The following ISM2 variants were observed in gnomAD, a reference collection of about 807,000 sequenced individuals.
ISM2 encodes isthmin-2.
In ISM2, 50 loss-of-function variants were observed where a neutral mutation model predicts 58.0. That is an observed-to-expected ratio of 0.86 (90% CI 0.69 to 1.09). ISM2 has a LOEUF of 1.09. Ranked by LOEUF, ISM2 falls within the 50% of genes least tolerant of loss-of-function variation. The probability of loss-of-function intolerance (pLI) is 0.00; values close to 1 mark genes in which losing one functional copy is unlikely to be tolerated. For synonymous variants in ISM2, 303 were observed against 312.4 expected, an observed-to-expected ratio of 0.97 and a Z score of 0.32; for missense variants, 723 against 745.0, an observed-to-expected ratio of 0.97 and a Z score of 0.34.
At chr14:77,498,553 CTG>C (rs1030646608) in intron 1 of ISM2, 98 bp downstream of exon 1, 1 of 1,393,310 alleles carries the variant, frequency 7.2e-7, no homozygotes, top group South Asian at 1.4e-5. Context: ...GGGTCGCTGC[CTG>C]TGTGTGTCCC....
At chr14:77,492,183 C>A (rs1304589036) in intron 1 of ISM2, among the ~76,000 whole-genome samples, 1 of 152,090 alleles carries the variant, frequency 6.6e-6, no homozygotes, top group Non-Finnish European at 1.5e-5. Flanking sequence ...ATTCTAACCC[C>A]CTCAACCCCT....
rs983609635 is a variant in ISM2, at chr14:77,484,436, G to C, written c.514C>G (p.Pro172Ala). Reference sequence around the variant, plus strand: ...GTCCTGGGAGGCGTGGCATTCCCTGGGGTCAGGGCTGCTGGCTCAGTGACA... The same window carrying C: ...GTCCTGGGAGGCGTGGCATTCCCTGCGGTCAGGGCTGCTGGCTCAGTGACA... Reference protein sequence around the residue: ...WTVTEPAALTPGNATPPRTQE... With the variant: ...WTVTEPAALTAGNATPPRTQE... Residue 172 changes from proline to alanine, a missense_variant, in exon 3 of 7, where the codon CCA becomes GCA. Physicochemically the swap from Pro to Ala is conservative, Grantham distance 27 (BLOSUM62 -1). Coordinates refer to ENST00000342219, the MANE Select transcript of ISM2 (RefSeq NM_199296.3). 1 of 1,612,728 alleles carries C rather than the reference G, an allele frequency of 6.2e-7. No individual in the cohort carries two copies. Among genetic ancestry groups the C allele is most frequent in the South Asian group, 1.1e-5 (1 of 90,994 alleles).
At chr14:77,489,203 TCTC>T (rs2079186106) in intron 1 of ISM2, among the ~76,000 whole-genome samples, 1 of 152,092 alleles carries the variant, frequency 6.6e-6, no homozygotes, top group Admixed American at 6.6e-5. Flanking sequence ...TGTTCTCCCT[TCTC>T]CTTTGTGCCT....
intron 1 of ISM2, among the ~76,000 whole-genome samples, chr14:77,493,750 CTGCGGCCAGCCGAATGAT>C (rs1379884374): frequency 6.6e-6 from 1 of 151,992 alleles, no homozygotes; most frequent in East Asian, 1.9e-4. Context: ...GCGTGAGCCA[CTGCGGCCAGCCGAATGAT>C]TCTTTTCTTT....
intron 1 of ISM2, among the ~76,000 whole-genome samples, chr14:77,488,386 C>T (rs769208778): frequency 2.0e-5 from 3 of 151,890 alleles, no homozygotes; most frequent in East Asian, 1.9e-4. Context: ...TCAACACCTG[C>T]GCACTGGTGC....
In ISM2 at chr14:77,474,868, C is replaced by T. The variant is rs1037290528; in HGVS notation, c.*727G>A. 1.3e-5 allele frequency: 2 copies of T among 152,314 alleles called. No homozygotes were observed. Among genetic ancestry groups the T allele is most frequent in the Admixed American group, 1.3e-4 (2 of 15,286 alleles). The allele number at this position is 152,314 out of a possible 1,614,324, so 9.4% of individuals were successfully genotyped here. A position where few individuals can be genotyped will look rare whatever the true frequency, so the allele number is the denominator to read the frequency against. On this transcript the variant is annotated 3_prime_UTR_variant, in exon 7 of 7. Coordinates refer to ENST00000342219, the MANE Select transcript of ISM2 (RefSeq NM_199296.3). ...CAACTCCCAGCCCTGCACATCCCTA[C>T]AATCAGCAGAACAGAGGGGGCTGAG...
chr14:77,491,642 C>A (rs996740232), intron 1 of ISM2, among the ~76,000 whole-genome samples: 2 of 151,512 alleles, frequency 1.3e-5, no homozygotes, highest in Non-Finnish European at 2.9e-5. Context: ...TCCACCCGCC[C>A]TGGCTTCCCA....
At chr14:77,487,445 C>T (rs2079175032) in intron 1 of ISM2, among the ~76,000 whole-genome samples, 1 of 152,070 alleles carries the variant, frequency 6.6e-6, no homozygotes, top group Non-Finnish European at 1.5e-5. Flanking sequence ...TAGCCCAGGC[C>T]CTGCTACCCA....
rs138409143 is a variant in ISM2, at chr14:77,484,540, G to T, written c.410C>A (p.Pro137His). ...TCGTGCCTCCTCCTCTTCCCTCAGA[G>T]GCCTAGGATCTGGGGAGGCTGAAGC... ...TQASASPDPR[P>H]LREEEEARLL... is the part of the protein sequence containing the mutation. Residue 137 changes from proline to histidine, a missense_variant, in exon 3 of 7, where the codon CCT becomes CAT. By Grantham distance (77) the Pro-to-His change is moderately conservative. Transcript: ENST00000342219. The T allele has an allele frequency of 1.2e-5, 19 of 1,596,092 alleles. No homozygotes were observed. Among genetic ancestry groups the T allele is most frequent in the Non-Finnish European group, 1.5e-5 (18 of 1,171,202 alleles).
chr14:77,483,229 G>GA (rs950937433), intron 3 of ISM2, among the ~76,000 whole-genome samples: 1 of 151,972 alleles, frequency 6.6e-6, no homozygotes, highest in Non-Finnish European at 1.5e-5. Context: ...ACAAAATTTG[G>GA]AAAAAAACAG....
At chr14:77,479,009 T>G (rs1398247607) in intron 4 of ISM2, among the ~76,000 whole-genome samples, 2 of 152,222 alleles carry the variant, frequency 1.3e-5, no homozygotes, top group East Asian at 3.8e-4. Flanking sequence ...GGCTGGGAGC[T>G]ATCTGACCAC....
chr14:77,481,488 A>G (rs941387), intron 4 of ISM2, among the ~76,000 whole-genome samples: 2,369 of 152,296 alleles, frequency 0.016, 58 homozygotes, highest in African/African-American at 0.054. Flanking sequence ...CTGGCACTGT[A>G]TATGTCTTAA....
In ISM2 at chr14:77,482,369, C is replaced by T; in HGVS notation, c.926G>A (p.Gly309Asp). 6.2e-7 allele frequency: 1 copy of T among 1,614,112 alleles called. No individual in the cohort carries two copies. Among genetic ancestry groups the T allele is most frequent in the South Asian group, 1.1e-5 (1 of 91,076 alleles). ...FNGTTDNWDQ[G>D]WLAPGDWVFK... ...GACCCAATCCCCGGGGGCCAGCCAGCCCTGGTCCCAGTTGTCTGTAGTTCC... is the reference window on the plus strand; with the variant it reads ...GACCCAATCCCCGGGGGCCAGCCAGTCCTGGTCCCAGTTGTCTGTAGTTCC... Residue 309 changes from glycine (G) to aspartate (D), a missense_variant, in exon 4 of 7, where the codon GGC becomes GAC. Physicochemically the swap from Gly to Asp is moderately conservative, Grantham distance 94. Transcript: ENST00000342219.
intron 1 of ISM2, among the ~76,000 whole-genome samples, chr14:77,494,901 T>C (rs2079229266): frequency 6.6e-6 from 1 of 151,912 alleles, no homozygotes; most frequent in African/African-American, 2.4e-5. Context: ...TATTTATTTT[T>C]GAGACAGGGT....
intron 4 of ISM2, among the ~76,000 whole-genome samples, chr14:77,481,185 CA>C (rs2079129843): frequency 6.6e-6 from 1 of 151,894 alleles, no homozygotes; most frequent in Non-Finnish European, 1.5e-5. Flanking sequence ...ACTAAAACTA[CA>C]AAAATTAGCC....
chr14:77,498,634 C>G lies in ISM2; in HGVS notation c.141+19G>C, dbSNP rs1319763643. On this transcript the variant is annotated intron_variant, in intron 1 of 6. Transcript: ENST00000342219. ...GGGACCGACAGCGCGCTCCGCAGCC[C>G]GGTGCCGCCGCCACTCACCTCTGCG... 1.6e-5 allele frequency: 23 copies of G among 1,438,726 alleles called. No homozygotes were observed. The highest frequency in any genetic ancestry group is 8.1e-5 in the Admixed American group (3 of 37,154). The allele number at this position is 1,438,726 out of a possible 1,614,324, so 89.1% of individuals were successfully genotyped here.
intron 1 of ISM2, among the ~76,000 whole-genome samples, chr14:77,495,966 A>G (rs1327645314): frequency 6.6e-6 from 1 of 151,952 alleles, no homozygotes; most frequent in Non-Finnish European, 1.5e-5. Flanking sequence ...TAAGCCCAGT[A>G]CTTTGGGAGG....
At chr14:77,498,363 G>C (rs1470012358) in intron 1 of ISM2, 6 of 1,392,764 alleles carry the variant, frequency 4.3e-6, no homozygotes, top group Middle Eastern at 1.8e-4. Context: ...GAGGAAGCCC[G>C]GCCACCGTGG....
At chr14:77,477,676 G>A (rs1241154779) in intron 6 of ISM2, among the ~76,000 whole-genome samples, 1 of 152,178 alleles carries the variant, frequency 6.6e-6, no homozygotes, top group East Asian at 1.9e-4. Flanking sequence ...CAGCACCATG[G>A]CCAGGCACAT....
Sources: gnomAD v4.1 joint callset for allele counts (sites outside exome capture counted in the v4.1 genomes callset) on GRCh38, gnomAD v4.1.1 for gene constraint, MANE v1.5 for transcripts, NCBI Gene and HGNC (gene_info 2026-07-23, HGNC 2026-07-21) for gene names.